The following UBE2QL1 variants were observed in gnomAD, a reference collection of about 807,000 sequenced individuals.
UBE2QL1 encodes ubiquitin-conjugating enzyme E2Q-like protein 1.
Under a neutral mutation model 12.6 loss-of-function variants are expected in UBE2QL1, and 5 were observed. The observed-to-expected ratio is 0.40, with a 90% confidence interval of 0.21 to 0.83. UBE2QL1 has a LOEUF of 0.83. Ranked by LOEUF, UBE2QL1 falls within the 40% of genes least tolerant of loss-of-function variation. The pLI is 0.37. For missense variants in UBE2QL1, 99 were observed against 222.6 expected, an observed-to-expected ratio of 0.44 and a Z score of 3.53; for synonymous variants, 96 against 94.5, an observed-to-expected ratio of 1.02 and a Z score of -0.10.
intron 1 of UBE2QL1, 115 bp from the exon 2 acceptor site, chr5:6,491,103 T>C: frequency 4.2e-6 from 5 of 1,200,752 alleles, no homozygotes; most frequent in Non-Finnish European, 5.7e-6. Flanking sequence ...GGCCAGTGCA[T>C]TGCATTGATT....
At chr5:6,451,688 A>G (rs1739415379) in intron 1 of UBE2QL1, among the ~76,000 whole-genome samples, 1 of 152,238 alleles carries the variant, frequency 6.6e-6, no homozygotes, top group South Asian at 2.1e-4. Context: ...CATACATAAA[A>G]TATTCAAAAT....
rs949635706 is a variant in UBE2QL1 at position 6,481,303 on chromosome 5, A to C, written c.355-9915A>C. ...CTCTCTGCAGGCCTGGCCCCGGGTC[A>C]CTTGGCATGGTGGCCCACCACCTCC... On this transcript the variant is annotated intron_variant, in intron 1 of 1. Transcript: ENST00000399816. The surrounding 1 kb of genome is among the most constrained non-coding windows in gnomAD (Gnocchi z 4.5). Among the ~76,000 whole-genome samples, 3 of 152,192 alleles carry C rather than the reference A, an allele frequency of 2.0e-5. No individual in the cohort carries two copies. Among genetic ancestry groups the C allele is most frequent in the African/African-American group, 7.2e-5 (3 of 41,444 alleles).
chr5:6,486,623 T>A (rs1042135402), intron 1 of UBE2QL1, among the ~76,000 whole-genome samples: 3 of 152,224 alleles, frequency 2.0e-5, no homozygotes, highest in Admixed American at 1.3e-4. Context: ...GGAGCAGAAT[T>A]ATTTTCCTTA....
chr5:6,490,468 G>A (rs1001758667), intron 1 of UBE2QL1, among the ~76,000 whole-genome samples: 5 of 152,218 alleles, frequency 3.3e-5, no homozygotes, highest in Admixed American at 6.5e-5. Context: ...AGCAGAACAC[G>A]CCTGGTCACT....
chr5:6,452,987 A>G (rs1560926377), intron 1 of UBE2QL1, among the ~76,000 whole-genome samples: 1 of 152,152 alleles, frequency 6.6e-6, no homozygotes, highest in Non-Finnish European at 1.5e-5. Context: ...CCAAATGGCA[A>G]TTGAGTGACA....
intron 1 of UBE2QL1, 129 bp downstream of exon 1, chr5:6,449,376 A>C: frequency 1.1e-6 from 1 of 891,672 alleles, no homozygotes; most frequent in Non-Finnish European, 1.5e-6. Flanking sequence ...CTCTGACTAC[A>C]CCAGCGCCCC....
chr5:6,463,640 A>ATTT (rs1039775083), intron 1 of UBE2QL1, among the ~76,000 whole-genome samples: 4 of 143,834 alleles, frequency 2.8e-5, no homozygotes, highest in Non-Finnish European at 4.5e-5. Context: ...TATTATTATT[A>ATTT]TTTTTGATGC....
intron 1 of UBE2QL1, among the ~76,000 whole-genome samples, chr5:6,462,150 C>A (rs1242302659): frequency 6.6e-6 from 1 of 152,148 alleles, no homozygotes; most frequent in Non-Finnish European, 1.5e-5. Flanking sequence ...AGAACTGGGT[C>A]TTGGTCAGGA....
intron 1 of UBE2QL1, among the ~76,000 whole-genome samples, chr5:6,477,966 G>C (rs1333047984): frequency 6.6e-6 from 1 of 152,166 alleles, no homozygotes; most frequent in Non-Finnish European, 1.5e-5. Flanking sequence ...TACCTGCTTG[G>C]CAGGTATTGG....
intron 1 of UBE2QL1, among the ~76,000 whole-genome samples, chr5:6,456,411 T>G (rs1164667136): frequency 6.6e-6 from 1 of 152,144 alleles, no homozygotes; most frequent in Non-Finnish European, 1.5e-5. Flanking sequence ...GGGGCATTAG[T>G]CACTCAGTGT....
chr5:6,457,380 C>T (rs141700649), intron 1 of UBE2QL1, among the ~76,000 whole-genome samples: 38 of 152,206 alleles, frequency 2.5e-4, no homozygotes, highest in Admixed American at 7.8e-4. Flanking sequence ...GGAGGAAGCT[C>T]GGCATTGTTT....
chr5:6,491,191 C>G, intron 1 of UBE2QL1, 27 bp from the exon 2 acceptor site: 2 of 1,519,256 alleles, frequency 1.3e-6, no homozygotes, highest in Non-Finnish European at 1.8e-6. Flanking sequence ...GACGTTCTAA[C>G]CTGGTTTTTC....
chr5:6,453,034 A>G (rs530251090), intron 1 of UBE2QL1, among the ~76,000 whole-genome samples: 63 of 152,334 alleles, frequency 4.1e-4, no homozygotes, highest in African/African-American at 1.3e-3. Context: ...AGAGCCAACC[A>G]TACAATTCGG....
At chr5:6,482,852 G>A (rs1734389014) in intron 1 of UBE2QL1, among the ~76,000 whole-genome samples, 1 of 152,206 alleles carries the variant, frequency 6.6e-6, no homozygotes, top group African/African-American at 2.4e-5. Context: ...CCAAGCTGGG[G>A]ATGATCCAGC....
chr5:6,490,079 C>T (rs1734540629), intron 1 of UBE2QL1, among the ~76,000 whole-genome samples: 1 of 152,254 alleles, frequency 6.6e-6, no homozygotes, highest in Non-Finnish European at 1.5e-5. Flanking sequence ...AAAACATGTA[C>T]ATGGGATGCC....
At chr5:6,463,598 G>GTTATTATTATTATTATTAATA (rs1739719826) in intron 1 of UBE2QL1, among the ~76,000 whole-genome samples, 1 of 137,308 alleles carries the variant, frequency 7.3e-6, no homozygotes, top group African/African-American at 2.7e-5. Flanking sequence ...TATTTGTGCT[G>GTTATTATTATTATTATTAATA]TTATTATTAT....
intron 1 of UBE2QL1, among the ~76,000 whole-genome samples, chr5:6,477,813 C>T (rs574602452): frequency 3.3e-5 from 5 of 152,332 alleles, no homozygotes; most frequent in Admixed American, 3.3e-4. Flanking sequence ...AAACAAATTG[C>T]ATATGCAAGG....
chr5:6,487,843 C>T (rs1734493445), intron 1 of UBE2QL1, among the ~76,000 whole-genome samples: 2 of 152,202 alleles, frequency 1.3e-5, no homozygotes, highest in African/African-American at 4.8e-5. Context: ...TCCCAAAGAC[C>T]TGCAGCAAGC....
intron 1 of UBE2QL1, among the ~76,000 whole-genome samples, chr5:6,473,542 G>A (rs1306033016): frequency 6.6e-6 from 1 of 152,256 alleles, no homozygotes; most frequent in South Asian, 2.1e-4. Flanking sequence ...AGGCAGAAAT[G>A]TAAGGACCCA....
Sources: gnomAD v4.1 joint callset for allele counts (sites outside exome capture counted in the v4.1 genomes callset) on GRCh38, gnomAD v4.1.1 for gene constraint, Gnocchi (gnomAD v3.1) non-coding constraint, MANE v1.5 for transcripts, NCBI Gene and HGNC (gene_info 2026-07-23, HGNC 2026-07-21) for gene names.